CYREN: variants seen among roughly 807,000 people sequenced by gnomAD.
CYREN encodes the protein cell cycle regulator of NHEJ, also known as cell cycle regulator of non-homologous end joining.
A neutral mutation model predicts 9.7 loss-of-function variants in CYREN; 7 were observed. The ratio of observed to expected loss-of-function variants is 0.72; its 90% confidence interval spans 0.41 to 1.36. The LOEUF (loss-of-function observed/expected upper bound fraction) is 1.36, where lower values mean the gene tolerates loss of function less well. Among genes scored for constraint, CYREN ranks in the 40% most tolerant of loss-of-function variants. The pLI is 0.01. For synonymous variants in CYREN, 76 were observed against 77.9 expected, an observed-to-expected ratio of 0.98 and a Z score of 0.13; for missense variants, 215 against 198.1, an observed-to-expected ratio of 1.09 and a Z score of -0.51.
chr7:135,156,896 A>G (rs1829808987), intron 2 of CYREN, among the ~76,000 whole-genome samples: 1 of 152,126 alleles, frequency 6.6e-6, no homozygotes, highest in African/African-American at 2.4e-5. Context: ...TTCCCATGCT[A>G]TTCTCGTGAT....
exon 3 of CYREN, chr7:135,092,596 T>C (rs1419525068): frequency 2.6e-5 from 4 of 152,118 alleles, no homozygotes; most frequent in African/African-American, 9.7e-5. Context: ...GACAAGTAAA[T>C]AGACATAGTA....
At chr7:135,107,144 T>C (rs901539765) in intron 2 of CYREN, among the ~76,000 whole-genome samples, 4 of 48,060 alleles carry the variant, frequency 8.3e-5, no homozygotes, top group African/African-American at 2.2e-4. Flanking sequence ...ATATTATTGA[T>C]TTTTTTTTCA....
rs937431643 is a variant in CYREN at position 135,166,521 on chromosome 7, T to C, written c.*90A>G. ...AAAGGTAGGAGCACAGAGAGCCCCA[T>C]TCCCACAGGCGGGCGGCCCAGCAGC... On this transcript the variant is annotated 3_prime_UTR_variant, in exon 4 of 4. Transcript: ENST00000393114. 4 of 1,505,386 alleles carry C rather than the reference T, an allele frequency of 2.7e-6. No individual in the cohort carries two copies. The highest frequency in any genetic ancestry group is 2.8e-5 in the African/African-American group (2 of 71,990). The allele number at this position is 1,505,386 out of a possible 1,614,324, so 93.3% of individuals were successfully genotyped here. A position where few individuals can be genotyped will look rare whatever the true frequency, so the allele number is the denominator to read the frequency against.
At chr7:135,170,253 G>C (rs1221810563) in intron 1 of CYREN, 5 of 152,364 alleles carry the variant, frequency 3.3e-5, no homozygotes, top group Non-Finnish European at 7.3e-5. Flanking sequence ...CGGGTCTCTG[G>C]GGCACCGCGC....
intron 2 of CYREN, among the ~76,000 whole-genome samples, chr7:135,142,466 T>C (rs1186050873): frequency 6.6e-6 from 1 of 152,180 alleles, no homozygotes; most frequent in Non-Finnish European, 1.5e-5. Context: ...GCAAAAGTTA[T>C]ACATCAGTTT....
exon 3 of CYREN, chr7:135,093,842 A>AC (rs1414527903): frequency 2.0e-5 from 3 of 152,256 alleles, no homozygotes; most frequent in African/African-American, 4.8e-5. Flanking sequence ...CTGATTTCAA[A>AC]ACTGACTACC....
chr7:135,126,412 T>C (rs1827875686), intron 2 of CYREN, among the ~76,000 whole-genome samples: 1 of 152,196 alleles, frequency 6.6e-6, no homozygotes, highest in Admixed American at 6.5e-5. Context: ...CGGAAAAACA[T>C]TCCATCCTCG....
chr7:135,133,753 T>C (rs1310629926), intron 2 of CYREN, among the ~76,000 whole-genome samples: 2 of 152,112 alleles, frequency 1.3e-5, no homozygotes, highest in Middle Eastern at 3.2e-3. Context: ...TTACATCTTA[T>C]ACAAAAATTA....
chr7:135,093,713 T>C (rs1177109777), exon 3 of CYREN: 1 of 152,164 alleles, frequency 6.6e-6, no homozygotes, highest in African/African-American at 2.4e-5. Context: ...GCAATCCCTA[T>C]CAAAATGTCA....
chr7:135,125,222 G>A (rs1328051785), intron 2 of CYREN, among the ~76,000 whole-genome samples: 1 of 152,092 alleles, frequency 6.6e-6, no homozygotes, highest in Non-Finnish European at 1.5e-5. Flanking sequence ...TATCACCACT[G>A]ATCCCACAGA....
chr7:135,122,643 C>T (rs1484194427), intron 2 of CYREN, among the ~76,000 whole-genome samples: 1 of 152,186 alleles, frequency 6.6e-6, no homozygotes, highest in Non-Finnish European at 1.5e-5. Context: ...TGGCATCAGG[C>T]TGGTACCCCT....
chr7:135,167,856 A>C (rs764114965), intron 2 of CYREN, 49 bp from the exon 3 acceptor site: 1 of 1,613,076 alleles, frequency 6.2e-7, no homozygotes, highest in African/African-American at 1.3e-5. Flanking sequence ...CTCAAGTCTC[A>C]TAAGGGCAAA....
chr7:135,116,970 C>G (rs1475447145), intron 2 of CYREN, among the ~76,000 whole-genome samples: 1 of 152,126 alleles, frequency 6.6e-6, no homozygotes, highest in Admixed American at 6.5e-5. Context: ...AAAAAGAAAA[C>G]CCAGGAGACA....
At chr7:135,136,672 C>G (rs896622892) in intron 2 of CYREN, among the ~76,000 whole-genome samples, 1 of 151,948 alleles carries the variant, frequency 6.6e-6, no homozygotes, top group Admixed American at 6.6e-5. Flanking sequence ...TTCCATTGGC[C>G]CTTCTCCACA....
chr7:135,148,075 G>C (rs777077108), intron 2 of CYREN: 1 of 456,220 alleles, frequency 2.2e-6, no homozygotes. Context: ...AAAGTTCAGA[G>C]AGCTGTTTAC....
At position 135,166,657 on chromosome 7, in the gene CYREN, T is replaced by G. The variant is rs1222039902; in HGVS notation, c.428A>C (p.Glu143Ala). The part of the protein sequence containing the change: ...SACSRSPEEE[E>A]EEDVLKYVRE... ...GACGTATTTCAGCACATCCTCTTCC[T>G]CCTCCTCCTCAGGGCTCCTGCTACA... The change falls in exon 4 of 4, where the codon GAG becomes GCG. Residue 143 changes from glutamate to alanine, a missense_variant. Transcript: ENST00000393114. The G allele has an allele frequency of 6.2e-7, 1 of 1,607,538 alleles. No individual in the cohort carries two copies. Among genetic ancestry groups the G allele is most frequent in the African/African-American group, 1.3e-5 (1 of 74,862 alleles).
At chr7:135,118,784 A>C (rs1209612474) in intron 2 of CYREN, among the ~76,000 whole-genome samples, 1 of 152,168 alleles carries the variant, frequency 6.6e-6, no homozygotes. Flanking sequence ...ACTTGGAAGA[A>C]ATAAAAAAAT....
intron 2 of CYREN, chr7:135,148,122 G>T: frequency 2.2e-6 from 1 of 455,120 alleles, no homozygotes; most frequent in Non-Finnish European, 4.4e-6. Flanking sequence ...CACCAGCTCA[G>T]GACTGCATCT....
intron 2 of CYREN, among the ~76,000 whole-genome samples, chr7:135,138,815 G>A (rs1829401284): frequency 6.6e-6 from 1 of 151,810 alleles, no homozygotes; most frequent in South Asian, 2.1e-4. Flanking sequence ...CTAATGTTTA[G>A]TTCCCACTTA....
Sources: allele counts gnomAD v4.1 joint callset (sites outside exome capture counted in the v4.1 genomes callset), GRCh38; gene constraint gnomAD v4.1.1; transcripts MANE v1.5; gene names NCBI Gene and HGNC (gene_info 2026-07-23, HGNC 2026-07-21).